Variants in SP100 observed in about 807,000 individuals in gnomAD.
SP100 encodes the protein SP100 nuclear body protein.
In SP100, 84 loss-of-function variants were observed where a neutral mutation model predicts 130.0. The ratio of observed to expected loss-of-function variants is 0.65; its 90% CI spans 0.54 to 0.77. The LOEUF (loss-of-function observed/expected upper bound fraction) is 0.77. Among genes scored for constraint, SP100 ranks in the 30% least tolerant of loss-of-function variants. The probability of loss-of-function intolerance (pLI) is 0.00; values close to 1 mark genes in which losing one functional copy is unlikely to be tolerated. For synonymous variants in SP100, 331 were observed against 351.7 expected (o/e 0.94, Z 0.66); for missense variants, 978 against 1,052.2 (o/e 0.93, Z 0.97).
In SP100 at chr2:230,544,877, A is replaced by G. The variant is rs1013248298; in HGVS notation, c.*1931A>G. On this transcript the variant is annotated 3_prime_UTR_variant, in exon 29 of 29. Coordinates refer to ENST00000340126, the MANE Select transcript of SP100 (RefSeq NM_001080391.2). ...CGTTAGAGACATGCAAATTAAAACT[A>G]CAATGAGACACCATCTCACACCAGT... 1.3e-5 allele frequency among the ~76,000 whole-genome samples: 2 copies of G among 152,246 alleles called. No homozygotes were observed. The highest frequency in any genetic ancestry group is 4.8e-5 in the African/African-American group (2 of 41,468).
At position 230,500,121 on chromosome 2, in the gene SP100, G is replaced by GAAAA. The variant is rs558717792; in HGVS notation, c.1720+1587_1720+1588insAAAA. On this transcript the variant is annotated intron_variant, in intron 19 of 28. Transcript: ENST00000340126. ...GGTGATATACTCTTTTGCCAAGAATGATTAGTCCCTGCTATGAAAAAATAT... is the reference window on the plus strand; with the variant it reads ...GGTGATATACTCTTTTGCCAAGAATGAAAAATTAGTCCCTGCTATGAAAAAATAT... Among the ~76,000 whole-genome samples, 334 of 152,242 alleles carry GAAAA rather than the reference G, an allele frequency of 2.2e-3. 1 individual carries two copies. Among genetic ancestry groups the GAAAA allele is most frequent in the African/African-American group, 7.5e-3 (312 of 41,540 alleles).
intron 24 of SP100, chr2:230,514,959 G>C: frequency 6.9e-7 from 1 of 1,440,508 alleles, no homozygotes; most frequent in Non-Finnish European, 9.2e-7. Flanking sequence ...GATAGTGCTG[G>C]CGCAAGTGAG....
At chr2:230,458,112 AG>A (rs150969842) in intron 8 of SP100, among the ~76,000 whole-genome samples, 23,391 of 152,150 alleles carry the variant, frequency 0.15, 1,958 homozygotes, top group Non-Finnish European at 0.18. Flanking sequence ...GTGGGAGGTT[AG>A]GGGTACCAAT....
At chr2:230,449,815 C>T in intron 7 of SP100, 105 bp downstream of exon 7, 1 of 1,217,030 alleles carries the variant, frequency 8.2e-7, no homozygotes, top group Non-Finnish European at 1.2e-6. Flanking sequence ...GTTTAACAAG[C>T]AGGGGAAAAT....
At chr2:230,533,231 T>C (rs1163951547) in intron 24 of SP100, among the ~76,000 whole-genome samples, 5 of 152,254 alleles carry the variant, frequency 3.3e-5, no homozygotes, top group Non-Finnish European at 7.3e-5. Context: ...TACCATTTTT[T>C]AATGATGGAG....
chr2:230,503,103 A>G lies in SP100; in HGVS notation c.1758A>G (p.Arg586=), dbSNP rs2067127500. ...KANTRPLKRR[R]KRGPRIPKDE... The stretch of plus-strand genomic sequence containing the variant: ...ACACTAGACCTTTGAAAAGAAGAAG[A>G]AAAAGAGGTAAATAGAAGTGATCGA... The change falls in exon 20 of 29, where the codon AGA becomes AGG. Residue 586 remains arginine (R), a synonymous_variant. Transcript: ENST00000340126. 1 of 1,596,408 alleles carries G rather than the reference A, an allele frequency of 6.3e-7. No homozygotes were observed. Among genetic ancestry groups the G allele is most frequent in the South Asian group, 1.1e-5 (1 of 89,364 alleles).
chr2:230,426,882 T>C (rs998022951), intron 2 of SP100, among the ~76,000 whole-genome samples: 2 of 152,252 alleles, frequency 1.3e-5, no homozygotes, highest in Admixed American at 1.3e-4. Context: ...GCTGTTTCTT[T>C]CTTTTTTCAG....
At chr2:230,503,140 T>C (rs1188674560) in intron 20 of SP100, 30 bp downstream of exon 20, 1 of 1,462,430 alleles carries the variant, frequency 6.8e-7, no homozygotes, top group Non-Finnish European at 9.5e-7. Context: ...ATGTTTTTCA[T>C]AATTAAACAT....
chr2:230,531,504 C>T (rs999966354), intron 24 of SP100, among the ~76,000 whole-genome samples: 8 of 151,354 alleles, frequency 5.3e-5, no homozygotes, highest in African/African-American at 1.7e-4. Context: ...CAAACCTGCA[C>T]GTTGTGCACA....
intron 2 of SP100, among the ~76,000 whole-genome samples, chr2:230,421,563 A>G (rs1383869995): frequency 2.0e-5 from 3 of 151,470 alleles, no homozygotes; most frequent in Admixed American, 6.6e-5. Context: ...CTATATATAT[A>G]TATATATAAA....
chr2:230,449,303 T>G, intron 6 of SP100, 153 bp downstream of exon 6: 2 of 859,480 alleles, frequency 2.3e-6, no homozygotes, highest in East Asian at 2.6e-5. Context: ...TAACAAGTCC[T>G]TATCCTCTAG....
At chr2:230,465,316 T>C (rs2064885251) in intron 11 of SP100, among the ~76,000 whole-genome samples, 1 of 152,068 alleles carries the variant, frequency 6.6e-6, no homozygotes, top group African/African-American at 2.4e-5. Context: ...AGAGAGTCAC[T>C]GGAACCTGGG....
At chr2:230,500,225 C>A (rs2066942262) in intron 19 of SP100, among the ~76,000 whole-genome samples, 1 of 151,746 alleles carries the variant, frequency 6.6e-6, no homozygotes. Context: ...ACTAGTAGAC[C>A]CAAGAACAGT....
At chr2:230,536,231 G>GT (rs1407733175) in intron 24 of SP100, among the ~76,000 whole-genome samples, 1 of 152,100 alleles carries the variant, frequency 6.6e-6, no homozygotes, top group African/African-American at 2.4e-5. Flanking sequence ...TGATTTTTGG[G>GT]TGGCTATGTG....
intron 17 of SP100, among the ~76,000 whole-genome samples, chr2:230,492,899 A>T (rs541573784): frequency 1.1e-4 from 17 of 152,274 alleles, no homozygotes; most frequent in African/African-American, 4.1e-4. Flanking sequence ...CCACTCTCCC[A>T]TGGCATTAAA....
intron 18 of SP100, among the ~76,000 whole-genome samples, chr2:230,495,658 G>A (rs562201321): frequency 2.0e-5 from 3 of 152,314 alleles, no homozygotes; most frequent in African/African-American, 7.2e-5. Flanking sequence ...AGACGTGACA[G>A]TCCATTCTCT....
chr2:230,534,150 G>A (rs560298770), intron 24 of SP100, among the ~76,000 whole-genome samples: 6 of 152,336 alleles, frequency 3.9e-5, no homozygotes, highest in African/African-American at 1.4e-4. Flanking sequence ...GCTCACGCCT[G>A]TAATCCCAGC....
chr2:230,475,649 C>T (rs1047747951), intron 17 of SP100, among the ~76,000 whole-genome samples: 1 of 152,150 alleles, frequency 6.6e-6, no homozygotes, highest in Non-Finnish European at 1.5e-5. Flanking sequence ...TAGGTTTATT[C>T]TAGGATTTTT....
At chr2:230,446,710 C>G (rs1253671139) in intron 4 of SP100, 109 bp from the exon 5 acceptor site, 19 of 666,912 alleles carry the variant, frequency 2.8e-5, no homozygotes, top group Non-Finnish European at 5.0e-5. Flanking sequence ...GTGGAACCCT[C>G]TGAGCTCTGA....
Sources: allele counts gnomAD v4.1 joint callset (sites outside exome capture counted in the v4.1 genomes callset), GRCh38; gene constraint gnomAD v4.1.1; transcripts MANE v1.5; gene names NCBI Gene and HGNC (gene_info 2026-07-23, HGNC 2026-07-21).